The following RUNX2 variants were observed in gnomAD, a reference collection of about 807,000 sequenced individuals.
RUNX2 encodes the protein RUNX family transcription factor 2, also known as runt-related transcription factor 2.
Under a neutral mutation model 51.7 loss-of-function variants are expected in RUNX2, and 10 were observed. That is an observed-to-expected ratio of 0.19 (90% CI 0.12 to 0.33). The LOEUF is 0.33. Ranked by LOEUF, RUNX2 falls within the 10% of genes least tolerant of loss-of-function variation. RUNX2 has a pLI of 1.00. For missense variants in RUNX2, 562 were observed against 691.3 expected (o/e 0.81, Z 2.10); for synonymous variants, 276 against 273.6 (o/e 1.01, Z -0.09).
At chr6:45,399,100 T>C (rs1222328352) in intron 2 of RUNX2, among the ~76,000 whole-genome samples, 3 of 152,116 alleles carry the variant, frequency 2.0e-5, no homozygotes, top group Non-Finnish European at 4.4e-5. Context: ...AAATTAGTGA[T>C]ATTATTCACA....
intron 2 of RUNX2, among the ~76,000 whole-genome samples, chr6:45,417,653 A>G (rs1032028991): frequency 7.9e-5 from 12 of 152,166 alleles, no homozygotes; most frequent in Non-Finnish European, 1.3e-4. Flanking sequence ...TTCTGTAAAA[A>G]GTCAGTAGAT....
At chr6:45,513,162 C>G (rs975164693) in intron 7 of RUNX2, among the ~76,000 whole-genome samples, 2 of 152,236 alleles carry the variant, frequency 1.3e-5, no homozygotes, top group Non-Finnish European at 2.9e-5. Flanking sequence ...ACAAAAACTC[C>G]AAACTGACAA....
At chr6:45,493,092 C>G (rs1412082333) in intron 6 of RUNX2, among the ~76,000 whole-genome samples, 1 of 152,120 alleles carries the variant, frequency 6.6e-6, no homozygotes, top group Non-Finnish European at 1.5e-5. Context: ...GCAGAATGAC[C>G]TATCTCTTCT....
chr6:45,522,683 T>C (rs1397770831), intron 7 of RUNX2, among the ~76,000 whole-genome samples: 1 of 152,206 alleles, frequency 6.6e-6, no homozygotes, highest in African/African-American at 2.4e-5. Context: ...AGACTCCCAT[T>C]GGCCCAGGGC....
rs1332764755 is a variant in RUNX2, at chr6:45,430,193, C to A, written c.424-1670C>A. The stretch of plus-strand genomic sequence containing the variant: ...CAAGACAGATGAGATGAAGGCCCTT[C>A]TCTCGTGTAGTTTCCTAACTCATAT... On this transcript the variant is annotated intron_variant, in intron 3 of 8. Transcript: ENST00000647337. 2.0e-5 allele frequency among the ~76,000 whole-genome samples: 3 copies of A among 152,148 alleles called. No homozygotes were observed. In the South Asian group the frequency reaches 6.2e-4, roughly 31 times the overall value.
intron 2 of RUNX2, among the ~76,000 whole-genome samples, chr6:45,366,730 T>G (rs1795203256): frequency 6.6e-6 from 1 of 152,208 alleles, no homozygotes; most frequent in South Asian, 2.1e-4. Flanking sequence ...CTACAACTAC[T>G]AGTCACTTGG....
At chr6:45,379,662 C>G (rs1213616852) in intron 2 of RUNX2, among the ~76,000 whole-genome samples, 3 of 151,934 alleles carry the variant, frequency 2.0e-5, no homozygotes, top group Admixed American at 2.0e-4. Flanking sequence ...GTCAGGAGAT[C>G]GAAACCATCC....
intron 2 of RUNX2, among the ~76,000 whole-genome samples, chr6:45,349,593 C>G (rs748479984): frequency 7.2e-5 from 11 of 152,280 alleles, no homozygotes; most frequent in Non-Finnish European, 1.0e-4. Flanking sequence ...TCAGGTGATT[C>G]TAATGCACAC....
intron 5 of RUNX2, among the ~76,000 whole-genome samples, chr6:45,489,583 C>A (rs183378946): frequency 3.3e-5 from 5 of 152,224 alleles, no homozygotes; most frequent in African/African-American, 7.2e-5. Flanking sequence ...CCTCAGGGAA[C>A]CTGCCATTCC....
chr6:45,398,373 A>AATCACTTC (rs2150350357), intron 2 of RUNX2, among the ~76,000 whole-genome samples: 2 of 152,308 alleles, frequency 1.3e-5, no homozygotes, highest in East Asian at 3.9e-4. Context: ...CTTCAGCTTT[A>AATCACTTC]AGTCTGATTA....
chr6:45,435,444 G>A (rs960471627), intron 4 of RUNX2, among the ~76,000 whole-genome samples: 1 of 152,008 alleles, frequency 6.6e-6, no homozygotes, highest in Admixed American at 6.5e-5. Context: ...TATAACCTCC[G>A]CCTCCTGAGT....
intron 2 of RUNX2, among the ~76,000 whole-genome samples, chr6:45,383,093 A>G (rs1294316866): frequency 6.6e-6 from 1 of 152,146 alleles, no homozygotes; most frequent in Non-Finnish European, 1.5e-5. Flanking sequence ...ATAAGTACAT[A>G]ATTAAGCATG....
chr6:45,508,822 G>C (rs1310246883), intron 6 of RUNX2, among the ~76,000 whole-genome samples: 2 of 152,140 alleles, frequency 1.3e-5, no homozygotes, highest in Non-Finnish European at 2.9e-5. Flanking sequence ...GTAGCTTAAA[G>C]AGAAATTAGA....
chr6:45,530,345 A>G (rs1801803603), intron 7 of RUNX2, among the ~76,000 whole-genome samples: 1 of 152,258 alleles, frequency 6.6e-6, no homozygotes, highest in Non-Finnish European at 1.5e-5. Context: ...GGTTATATAG[A>G]AGGCGATTTG....
intron 2 of RUNX2, among the ~76,000 whole-genome samples, chr6:45,414,727 G>A (rs1406514686): frequency 1.0e-4 from 13 of 128,768 alleles, no homozygotes; most frequent in Non-Finnish European, 4.7e-5. Context: ...ATTCTGTAAG[G>A]TATCTCTCCA....
In RUNX2 at chr6:45,422,804, G is replaced by C; in HGVS notation, c.270G>C (p.Val90=). The change falls in exon 3 of 9, where the codon GTG becomes GTC. Residue 90 remains valine (V), a synonymous_variant. Transcript: ENST00000647337. Reference sequence around the variant, plus strand: ...CGGCTGCGGCGGCGGCAGCTGCAGTGCCCCGGTTGCGGCCGCCCCACGACA... The same window carrying C: ...CGGCTGCGGCGGCGGCAGCTGCAGTCCCCCGGTTGCGGCCGCCCCACGACA... ...AAAAAAAAAA[V]PRLRPPHDNR... is the part of the protein sequence containing the mutation. The C allele has an allele frequency of 6.3e-7, 1 of 1,581,806 alleles. No individual in the cohort carries two copies. The highest frequency in any genetic ancestry group is 8.6e-7 in the Non-Finnish European group (1 of 1,168,152).
chr6:45,472,488 CG>C (rs1280046132), intron 5 of RUNX2, among the ~76,000 whole-genome samples: 1 of 152,190 alleles, frequency 6.6e-6, no homozygotes, highest in Non-Finnish European at 1.5e-5. Flanking sequence ...CACACAGGAG[CG>C]GGGCTGTCTG....
chr6:45,512,107 TCCTTATATA>T (rs1338542791), intron 6 of RUNX2, 130 bp from the exon 7 acceptor site: 18 of 700,918 alleles, frequency 2.6e-5, no homozygotes, highest in Non-Finnish European at 4.3e-5. Context: ...AAATAGCCAT[TCCTTATATA>T]TTATATATAT....
At chr6:45,437,794 G>A (rs1798727188) in intron 4 of RUNX2, among the ~76,000 whole-genome samples, 153 bp from the exon 5 acceptor site, 1 of 152,184 alleles carries the variant, frequency 6.6e-6, no homozygotes, top group African/African-American at 2.4e-5. Context: ...TCATCGGAGG[G>A]TTTCCAATTT....
Sources: allele counts gnomAD v4.1 joint callset (sites outside exome capture counted in the v4.1 genomes callset), GRCh38; gene constraint gnomAD v4.1.1; transcripts MANE v1.5; gene names NCBI Gene and HGNC (gene_info 2026-07-23, HGNC 2026-07-21).